MMP7: variants seen among roughly 807,000 people sequenced by gnomAD.
The protein encoded by MMP7 is matrix metallopeptidase 7, also known as matrilysin.
In MMP7, 26 loss-of-function variants were observed where a neutral mutation model predicts 31.5. The observed-to-expected ratio is 0.83, with a 90% CI of 0.61 to 1.15. MMP7 has a LOEUF of 1.15. Ranked by LOEUF, MMP7 falls within the 50% of genes most tolerant of loss-of-function variation. The pLI, the probability that MMP7 is intolerant of heterozygous loss-of-function variation, is 0.00. For missense variants in MMP7, 367 were observed against 326.5 expected, an observed-to-expected ratio of 1.12 and a Z score of -0.96; for synonymous variants, 142 against 124.2, an observed-to-expected ratio of 1.14 and a Z score of -0.95.
rs952706542 is a variant in MMP7 at position 102,529,225 on chromosome 11, C to T, written c.109-1242G>A. Among the ~76,000 whole-genome samples the T allele has an allele frequency of 2.6e-5, 4 of 152,214 alleles. No homozygotes were observed. In the South Asian group the frequency reaches 8.3e-4, roughly 32 times the overall value. ...TCTTATTAATATTGTGTCTTTTTTT[C>T]CTGTTACCAACAATTGTCTCATTAA... On this transcript the variant is annotated intron_variant, in intron 1 of 5. Coordinates refer to ENST00000260227, the MANE Select transcript of MMP7 (RefSeq NM_002423.5).
intron 5 of MMP7, among the ~76,000 whole-genome samples, chr11:102,521,344 T>C (rs780830906): frequency 3.9e-4 from 60 of 152,206 alleles, no homozygotes; most frequent in Admixed American, 1.4e-3. Flanking sequence ...ACTACAGACA[T>C]GCACCTTCAC....
At chr11:102,525,213 G>A (rs556001396) in intron 3 of MMP7, 149 bp from the exon 4 acceptor site, 52 of 887,530 alleles carry the variant, frequency 5.9e-5, no homozygotes, top group African/African-American at 3.6e-4. Flanking sequence ...CGAGGTGGGC[G>A]GATCACCTGA....
At position 102,520,818 on chromosome 11, in the gene MMP7, A is replaced by G; in HGVS notation, c.776-14T>C. 1 of 1,527,958 alleles carries G rather than the reference A, an allele frequency of 6.5e-7. No homozygotes were observed. The highest frequency in any genetic ancestry group is 8.9e-7 in the Non-Finnish European group (1 of 1,119,474). 94.7% of individuals were successfully genotyped at this position (1,527,958 alleles called of 1,614,324 possible). A position where few individuals can be genotyped will look rare whatever the true frequency, so the allele number is the denominator to read the frequency against. On this transcript the variant is annotated splice_polypyrimidine_tract_variant and intron_variant, in intron 5 of 5. Transcript: ENST00000260227. Reference sequence around the variant, plus strand: ...TACTTCTCTTTCCTATTGAGAGAAAAAAAAAGAACATTCTGATATGTAGAA... The same window carrying G: ...TACTTCTCTTTCCTATTGAGAGAAAGAAAAAGAACATTCTGATATGTAGAA...
chr11:102,529,886 A>G (rs541892259), intron 1 of MMP7, among the ~76,000 whole-genome samples: 1 of 152,226 alleles, frequency 6.6e-6, no homozygotes, highest in East Asian at 1.9e-4. Context: ...ATTAAATGAC[A>G]CAATGTCTAT....
intron 4 of MMP7, chr11:102,524,352 T>C (rs1858645498): frequency 6.6e-6 from 1 of 152,160 alleles, no homozygotes; most frequent in African/African-American, 2.4e-5. Flanking sequence ...CTCCATTAGT[T>C]CTCTCATGTG....
chr11:102,521,925 G>T (rs2156528), intron 5 of MMP7, among the ~76,000 whole-genome samples: 24,891 of 152,136 alleles, frequency 0.16, 2,506 homozygotes, highest in East Asian at 0.23. Context: ...GACAGCAGTG[G>T]TTCTTTACGT....
intron 3 of MMP7, 172 bp downstream of exon 3, chr11:102,527,351 CT>C (rs1219610419): frequency 1.2e-6 from 1 of 814,602 alleles, no homozygotes; most frequent in East Asian, 2.8e-5. Context: ...AAAAGTGGCT[CT>C]ATATTACCAG....
At chr11:102,526,130 G>T (rs1168937345) in intron 3 of MMP7, among the ~76,000 whole-genome samples, 2 of 147,530 alleles carry the variant, frequency 1.4e-5, no homozygotes, top group Admixed American at 6.8e-5. Context: ...TATGTATATG[G>T]GTTTTATATA....
At position 102,520,635 on chromosome 11, in the gene MMP7, A is replaced by G; in HGVS notation, c.*141T>C. 1.6e-6 allele frequency: 1 copy of G among 624,196 alleles called. No homozygotes were observed. The highest frequency in any genetic ancestry group is 2.2e-5 in the South Asian group (1 of 45,862). The allele number at this position is 624,196 out of a possible 1,614,324, so 38.7% of individuals were successfully genotyped here. A position where few individuals can be genotyped will look rare whatever the true frequency, so the allele number is the denominator to read the frequency against. On this transcript the variant is annotated 3_prime_UTR_variant, in exon 6 of 6. Coordinates refer to ENST00000260227, the MANE Select transcript of MMP7 (RefSeq NM_002423.5). ...AGGAGTTTATCCTTAAAAGGAGTGA[A>G]AGACATTCAAAAACCAACTGCAATA...
chr11:102,526,810 G>T (rs1858677555), intron 3 of MMP7, among the ~76,000 whole-genome samples: 4 of 152,198 alleles, frequency 2.6e-5, no homozygotes, highest in African/African-American at 9.7e-5. Flanking sequence ...ATAGCCTAGT[G>T]ATATAGTAGT....
chr11:102,520,668 G>T lies in MMP7; in HGVS notation c.*108C>A. The stretch of plus-strand genomic sequence containing the variant: ...CAAAAACCAACTGCAATAAAAAAGG[G>T]TGACATAATTGCTAAATGGAGTGGA... On this transcript the variant is annotated 3_prime_UTR_variant, in exon 6 of 6. Coordinates refer to ENST00000260227, the MANE Select transcript of MMP7 (RefSeq NM_002423.5). 1 of 869,354 alleles carries T rather than the reference G, an allele frequency of 1.2e-6. No individual in the cohort carries two copies. The allele number at this position is 869,354 out of a possible 1,614,324, so 53.9% of individuals were successfully genotyped here. A position where few individuals can be genotyped will look rare whatever the true frequency, so the allele number is the denominator to read the frequency against.
chr11:102,524,775 A>G, intron 4 of MMP7, 161 bp downstream of exon 4: 1 of 689,168 alleles, frequency 1.5e-6, no homozygotes, highest in Non-Finnish European at 2.1e-6. Flanking sequence ...GTGTAGCATT[A>G]TGAGTATATT....
intron 4 of MMP7, 70 bp from the exon 5 acceptor site, chr11:102,523,471 G>A: frequency 8.3e-7 from 1 of 1,203,370 alleles, no homozygotes; most frequent in Non-Finnish European, 1.1e-6. Context: ...TTATATATAT[G>A]ATATCATAAT....
chr11:102,522,708 C>G (rs188265605), intron 5 of MMP7, among the ~76,000 whole-genome samples: 13 of 152,298 alleles, frequency 8.5e-5, no homozygotes, highest in African/African-American at 2.9e-4. Flanking sequence ...GAATTTGGAA[C>G]TTGATTAAAC....
chr11:102,523,859 G>T (rs958627081), intron 4 of MMP7, among the ~76,000 whole-genome samples: 4 of 152,156 alleles, frequency 2.6e-5, no homozygotes, highest in African/African-American at 9.7e-5. Flanking sequence ...CTCAATATTT[G>T]GGAAGTCACG....
intron 5 of MMP7, among the ~76,000 whole-genome samples, chr11:102,522,243 G>A (rs1858621480): frequency 6.6e-6 from 1 of 152,212 alleles, no homozygotes. Context: ...TAAATCCAGT[G>A]TCTTACTGGA....
In MMP7 at chr11:102,520,733, T is replaced by C. The variant is rs1262751465; in HGVS notation, c.*43A>G. On this transcript the variant is annotated 3_prime_UTR_variant, in exon 6 of 6. Transcript: ENST00000260227. The stretch of plus-strand genomic sequence containing the variant: ...CAATTCTGATTGTGCAACAATGATA[T>C]ACAATCCAATGAATGAATGAATGGA... The C allele has an allele frequency of 2.7e-6, 4 of 1,475,088 alleles. No individual in the cohort carries two copies. The highest frequency in any genetic ancestry group is 3.5e-5 in the Admixed American group (2 of 57,486). 91.4% of individuals were successfully genotyped at this position (1,475,088 alleles called of 1,614,324 possible).
At chr11:102,523,018 A>G (rs1254507184) in intron 5 of MMP7, among the ~76,000 whole-genome samples, 1 of 152,196 alleles carries the variant, frequency 6.6e-6, no homozygotes, top group Non-Finnish European at 1.5e-5. Context: ...ATTTTACCAC[A>G]TGATACTATG....
chr11:102,527,273 T>C (rs566202113), intron 3 of MMP7: 1 of 482,214 alleles, frequency 2.1e-6, no homozygotes, highest in Non-Finnish European at 3.7e-6. Context: ...CCAGTAAAAC[T>C]TTATTTACAA....
Sources: gnomAD v4.1 joint callset for allele counts (sites outside exome capture counted in the v4.1 genomes callset) on GRCh38, gnomAD v4.1.1 for gene constraint, MANE v1.5 for transcripts, NCBI Gene and HGNC (gene_info 2026-07-23, HGNC 2026-07-21) for gene names.